TBC1D8: variants seen among roughly 807,000 people sequenced by gnomAD.
TBC1D8 encodes the protein BUB2-like protein 1.
A neutral mutation model predicts 118.8 loss-of-function variants in TBC1D8; 65 were observed. That is an observed-to-expected ratio of 0.55 (90% confidence interval 0.45 to 0.67). The LOEUF (loss-of-function observed/expected upper bound fraction) is 0.67, where lower values mean the gene tolerates loss of function less well. Ranked by LOEUF, TBC1D8 falls within the 30% of genes least tolerant of loss-of-function variation. TBC1D8 has a pLI of 0.00. For synonymous variants in TBC1D8, 566 were observed against 595.8 expected (o/e 0.95, Z 0.73); for missense variants, 1,376 against 1,471.2 (o/e 0.94, Z 1.06).
chr2:101,028,547 G>A, intron 12 of TBC1D8, 115 bp from the exon 13 acceptor site: 1 of 1,413,506 alleles, frequency 7.1e-7, no homozygotes, highest in East Asian at 2.3e-5. Flanking sequence ...CACCTGGGAG[G>A]AGGGCAAGGC....
chr2:101,012,473 C>G (rs540593766), intron 17 of TBC1D8, among the ~76,000 whole-genome samples: 1 of 152,264 alleles, frequency 6.6e-6, no homozygotes, highest in African/African-American at 2.4e-5. Flanking sequence ...TATCAAATGT[C>G]CAGGACAGGC....
intron 1 of TBC1D8, among the ~76,000 whole-genome samples, chr2:101,109,663 C>T (rs571447264): frequency 2.0e-5 from 3 of 152,310 alleles, no homozygotes; most frequent in East Asian, 3.9e-4. Context: ...CTCATCTGAT[C>T]CTCCCACCAC....
At chr2:101,091,872 T>C (rs891690308) in intron 1 of TBC1D8, among the ~76,000 whole-genome samples, 1 of 152,226 alleles carries the variant, frequency 6.6e-6, no homozygotes, top group Non-Finnish European at 1.5e-5. Context: ...AATTACTATG[T>C]CTATTTTTAT....
intron 2 of TBC1D8, among the ~76,000 whole-genome samples, chr2:101,071,933 A>C (rs962242349): frequency 6.6e-6 from 1 of 152,222 alleles, no homozygotes; most frequent in South Asian, 2.1e-4. Context: ...CAATTCATCT[A>C]TGCAACTATA....
chr2:101,051,243 G>A (rs1338850180), intron 4 of TBC1D8, among the ~76,000 whole-genome samples: 2 of 152,172 alleles, frequency 1.3e-5, no homozygotes, highest in East Asian at 3.9e-4. Flanking sequence ...CTTTATGGTA[G>A]ACGATTTATA....
At position 101,130,746 on chromosome 2, in the gene TBC1D8, G is replaced by C. The variant is rs558710609; in HGVS notation, c.127+20381C>G. Among the ~76,000 whole-genome samples, 5 of 152,318 alleles carry C rather than the reference G, an allele frequency of 3.3e-5. No individual in the cohort carries two copies. In the South Asian group the frequency reaches 6.2e-4, roughly 19 times the overall value. The stretch of plus-strand genomic sequence containing the variant: ...TAATCTTCAAGCTCCATGAGGATAG[G>C]ATCTAGTTTTGTTCACTGCTACATC... On this transcript the variant is annotated intron_variant, in intron 1 of 19. Transcript: ENST00000409318.
At chr2:101,062,866 T>G (rs1682827865) in intron 2 of TBC1D8, among the ~76,000 whole-genome samples, 1 of 152,158 alleles carries the variant, frequency 6.6e-6, no homozygotes, top group South Asian at 2.1e-4. Flanking sequence ...GGCATCGAAC[T>G]CCTGACCTCG....
chr2:101,019,406 G>T, intron 17 of TBC1D8: 1 of 165,752 alleles, frequency 6.0e-6, no homozygotes, highest in Non-Finnish European at 1.3e-5. Context: ...TTAGAATTAA[G>T]TCTATTTAAA....
At chr2:101,028,019 A>G in intron 14 of TBC1D8, 29 bp downstream of exon 14, 1 of 1,609,376 alleles carries the variant, frequency 6.2e-7, no homozygotes, top group South Asian at 1.1e-5. Context: ...CAATACCGTG[A>G]TCACCGGGGT....
intron 1 of TBC1D8, among the ~76,000 whole-genome samples, chr2:101,129,720 AC>A (rs1299097446): frequency 6.6e-6 from 1 of 151,808 alleles, no homozygotes; most frequent in Non-Finnish European, 1.5e-5. Context: ...CCTGGCTAAC[AC>A]GGTGAAACCC....
intron 14 of TBC1D8, 109 bp downstream of exon 14, chr2:101,027,937 AAT>A: frequency 1.1e-5 from 10 of 946,802 alleles, no homozygotes; most frequent in Non-Finnish European, 1.5e-5. Context: ...TGTAATCCAA[AAT>A]ATATATATAC....
chr2:101,150,723 G>C (rs1302729695), intron 1 of TBC1D8, among the ~76,000 whole-genome samples: 4 of 152,166 alleles, frequency 2.6e-5, no homozygotes, highest in Non-Finnish European at 5.9e-5. Context: ...GGCGCCTCCA[G>C]ATGGCCGAGT....
chr2:101,150,994 G>T, intron 1 of TBC1D8, 133 bp downstream of exon 1: 2 of 621,092 alleles, frequency 3.2e-6, no homozygotes, highest in Non-Finnish European at 2.0e-6. Flanking sequence ...ACAAGCCCGC[G>T]GCAGGGCCGT....
At chr2:101,030,190 C>T (rs1045952178) in intron 11 of TBC1D8, among the ~76,000 whole-genome samples, 1 of 152,134 alleles carries the variant, frequency 6.6e-6, no homozygotes, top group Non-Finnish European at 1.5e-5. Flanking sequence ...TGGACTTCAT[C>T]AAAATTAAAA....
intron 1 of TBC1D8, among the ~76,000 whole-genome samples, chr2:101,148,736 A>C (rs1183558507): frequency 1.3e-5 from 2 of 152,152 alleles, no homozygotes; most frequent in Non-Finnish European, 2.9e-5. Flanking sequence ...TTTTACTTCC[A>C]ATCCCCCTTA....
chr2:101,024,248 C>G (rs1463270803), intron 15 of TBC1D8, among the ~76,000 whole-genome samples: 1 of 152,122 alleles, frequency 6.6e-6, no homozygotes, highest in Non-Finnish European at 1.5e-5. Flanking sequence ...TGAACTGGCA[C>G]TCAACCTCAT....
chr2:101,012,444 G>A (rs1050476506), intron 17 of TBC1D8, among the ~76,000 whole-genome samples: 1 of 152,208 alleles, frequency 6.6e-6, no homozygotes, highest in Non-Finnish European at 1.5e-5. Flanking sequence ...AGTCGAACAT[G>A]ATACAGCAAC....
intron 5 of TBC1D8, among the ~76,000 whole-genome samples, chr2:101,047,412 G>GAAGGGAAA (rs533549261): frequency 5.8e-4 from 89 of 152,334 alleles, no homozygotes; most frequent in South Asian, 5.6e-3. Context: ...TCTGGGAAGG[G>GAAGGGAAA]AAGGGAAAAG....
At chr2:101,091,404 AAAC>A (rs1299607035) in intron 1 of TBC1D8, among the ~76,000 whole-genome samples, 9 of 152,056 alleles carry the variant, frequency 5.9e-5, no homozygotes, top group East Asian at 2.0e-4. Context: ...ATGGCAGGCA[AAAC>A]AACAACAACA....
Sources: allele counts gnomAD v4.1 joint callset (sites outside exome capture counted in the v4.1 genomes callset), GRCh38; gene constraint gnomAD v4.1.1; transcripts MANE v1.5; gene names NCBI Gene and HGNC (gene_info 2026-07-23, HGNC 2026-07-21).